The following SEPTIN7 variants were observed in gnomAD, a reference collection of about 807,000 sequenced individuals.
The protein encoded by SEPTIN7 is septin-7.
A neutral mutation model predicts 63.3 loss-of-function variants in SEPTIN7; 10 were observed. The observed-to-expected ratio is 0.16, with a 90% CI of 0.10 to 0.27. The LOEUF is 0.27. SEPTIN7 is among the 10% of genes least tolerant of loss of function. SEPTIN7 has a pLI of 1.00. For missense variants in SEPTIN7, 310 were observed against 521.0 expected, an observed-to-expected ratio of 0.59 and a Z score of 3.94; for synonymous variants, 131 against 165.3, an observed-to-expected ratio of 0.79 and a Z score of 1.59.
intron 1 of SEPTIN7, among the ~76,000 whole-genome samples, chr7:35,802,609 G>A (rs1788066587): frequency 6.6e-6 from 1 of 152,200 alleles, no homozygotes; most frequent in Non-Finnish European, 1.5e-5. Context: ...GATGAGTATA[G>A]TCAGTTTTTC....
chr7:35,847,609 A>C (rs1043187465), intron 3 of SEPTIN7, among the ~76,000 whole-genome samples: 1 of 152,222 alleles, frequency 6.6e-6, no homozygotes, highest in African/African-American at 2.4e-5. Flanking sequence ...TAATGTCAAA[A>C]GTCTTCTTTT....
In SEPTIN7 at chr7:35,879,305, G is replaced by A. The variant is rs117680777; in HGVS notation, c.513-518G>A. ...AATCCTCCAGCCTGGGCAACCTGGC[G>A]AGACATTGTGTCTACAAAAAATACA... On this transcript the variant is annotated intron_variant, in intron 6 of 13. Coordinates refer to ENST00000350320, the MANE Select transcript of SEPTIN7 (RefSeq NM_001788.6). 1.0e-2 allele frequency among the ~76,000 whole-genome samples: 1,514 copies of A among 152,026 alleles called. 10 individuals carry two copies. Among genetic ancestry groups the A allele is most frequent in the Middle Eastern group, 0.017 (5 of 294 alleles).
chr7:35,884,930 C>G (rs1161378453), intron 9 of SEPTIN7, among the ~76,000 whole-genome samples: 2 of 152,102 alleles, frequency 1.3e-5, no homozygotes, highest in African/African-American at 4.8e-5. Flanking sequence ...TTGGTTTAAT[C>G]TGATACTTAA....
the SEPTIN7 span, among the ~76,000 whole-genome samples, chr7:35,912,387 T>C: frequency 6.6e-6 from 1 of 152,232 alleles, no homozygotes; most frequent in Admixed American, 6.5e-5. Flanking sequence ...ACCCCTTTAT[T>C]TCTGGCCATC....
intron 1 of SEPTIN7, among the ~76,000 whole-genome samples, chr7:35,802,633 T>C (rs1788068704): frequency 6.6e-6 from 1 of 152,238 alleles, no homozygotes; most frequent in African/African-American, 2.4e-5. Flanking sequence ...CTAAAGTTTA[T>C]GTGCAGACAT....
chr7:35,911,677 G>A (rs2116427242), downstream of SEPTIN7, among the ~76,000 whole-genome samples: 1 of 152,304 alleles, frequency 6.6e-6, no homozygotes, highest in East Asian at 1.9e-4. Flanking sequence ...CTGGAACCGT[G>A]GCAGTATAGT....
chr7:35,838,491 TCCCAA>T (rs887649502), intron 3 of SEPTIN7: 1 of 150,132 alleles, frequency 6.7e-6, no homozygotes, highest in Admixed American at 6.7e-5. Context: ...CCCCTCAGCC[TCCCAA>T]GTAGCTGGGA....
At chr7:35,885,954 C>T (rs1787215077) in intron 10 of SEPTIN7, 75 bp downstream of exon 10, 3 of 1,023,844 alleles carry the variant, frequency 2.9e-6, no homozygotes, top group Non-Finnish European at 4.4e-6. Context: ...TTACTTTTTG[C>T]CTTCTATAAA....
rs149231889 is a variant in SEPTIN7, at chr7:35,814,213, T to C, written c.61+12943T>C. 1.3e-3 allele frequency among the ~76,000 whole-genome samples: 195 copies of C among 152,318 alleles called. 1 individual carries two copies. Among genetic ancestry groups the C allele is most frequent in the Non-Finnish European group, 2.1e-3 (143 of 68,020 alleles). The stretch of plus-strand genomic sequence containing the variant: ...TAAATTGCAAAATTATTTTGCAATA[T>C]ATTAGTAACATTTTACATTTTCACC... On this transcript the variant is annotated intron_variant, in intron 1 of 13. Coordinates refer to ENST00000350320, the MANE Select transcript of SEPTIN7 (RefSeq NM_001788.6).
chr7:35,912,341 AG>A, the SEPTIN7 span, among the ~76,000 whole-genome samples: 1 of 152,240 alleles, frequency 6.6e-6, no homozygotes, highest in Non-Finnish European at 1.5e-5. Flanking sequence ...CTGTGCCTAA[AG>A]GGCATGTTCC....
downstream of SEPTIN7, among the ~76,000 whole-genome samples, chr7:35,911,567 C>T: frequency 6.6e-6 from 1 of 152,182 alleles, no homozygotes; most frequent in East Asian, 1.9e-4. Flanking sequence ...TTAAATTGCA[C>T]CTCTCAGTCC....
chr7:35,857,234 A>G (rs1015890100), intron 3 of SEPTIN7, among the ~76,000 whole-genome samples: 1 of 152,224 alleles, frequency 6.6e-6, no homozygotes, highest in Non-Finnish European at 1.5e-5. Flanking sequence ...ATAAATGTGG[A>G]GTTGAGAACT....
intron 4 of SEPTIN7, among the ~76,000 whole-genome samples, chr7:35,865,164 T>C (rs1785738652): frequency 6.6e-6 from 1 of 152,162 alleles, no homozygotes; most frequent in Non-Finnish European, 1.5e-5. Flanking sequence ...AAAATGAACT[T>C]TGAACTTTCT....
chr7:35,896,770 G>A (rs539337901), intron 11 of SEPTIN7, among the ~76,000 whole-genome samples: 3 of 152,168 alleles, frequency 2.0e-5, no homozygotes, highest in Non-Finnish European at 2.9e-5. Flanking sequence ...TATATGTCAG[G>A]TTAGCATGTA....
chr7:35,894,351 CCTT>C (rs1189951208), intron 11 of SEPTIN7, among the ~76,000 whole-genome samples: 2 of 152,040 alleles, frequency 1.3e-5, no homozygotes, highest in African/African-American at 4.8e-5. Context: ...TTCTCTATAG[CCTT>C]CTCCATCAGT....
Position 35,904,334 on chromosome 7 carries a change from T to A in SEPTIN7, c.*41T>A, listed in dbSNP as rs780514348. 6.7e-7 allele frequency: 1 copy of A among 1,499,378 alleles called. No individual in the cohort carries two copies. Among genetic ancestry groups the A allele is most frequent in the Non-Finnish European group, 9.0e-7 (1 of 1,110,912 alleles). The allele number at this position is 1,499,378 out of a possible 1,614,324, so 92.9% of individuals were successfully genotyped here. A position where few individuals can be genotyped will look rare whatever the true frequency, so the allele number is the denominator to read the frequency against. ...CCAGTTAACGTATTAGTTGCCAATA[T>A]GCCAGCTTGGACATCAGTGTTTGTT... On this transcript the variant is annotated 3_prime_UTR_variant, in exon 14 of 14. Transcript: ENST00000350320.
intron 10 of SEPTIN7, among the ~76,000 whole-genome samples, chr7:35,890,150 C>T (rs1414127489): frequency 2.6e-5 from 4 of 151,888 alleles, no homozygotes; most frequent in Non-Finnish European, 5.9e-5. Flanking sequence ...TTTGTTTAAC[C>T]GAAATACCAC....
the SEPTIN7 span, among the ~76,000 whole-genome samples, chr7:35,914,653 C>CTA: frequency 1.5e-4 from 16 of 106,714 alleles, no homozygotes; most frequent in African/African-American, 3.7e-4. Context: ...CTCTCTCTCT[C>CTA]TCTCTCTATA....
chr7:35,887,503 C>T (rs781766116), intron 10 of SEPTIN7, among the ~76,000 whole-genome samples: 12 of 152,172 alleles, frequency 7.9e-5, no homozygotes, highest in East Asian at 1.9e-4. Flanking sequence ...TGCACCACTA[C>T]ACCTGACTAA....
Sources: gnomAD v4.1 joint callset for allele counts (sites outside exome capture counted in the v4.1 genomes callset) on GRCh38, gnomAD v4.1.1 for gene constraint, MANE v1.5 for transcripts, NCBI Gene and HGNC (gene_info 2026-07-23, HGNC 2026-07-21) for gene names.